LRRC69: variants seen among roughly 807,000 people sequenced by gnomAD.
The protein encoded by LRRC69 is leucine rich repeat containing 69.
In LRRC69, 42 loss-of-function variants were observed where a neutral mutation model predicts 37.8. That is an observed-to-expected ratio of 1.11 (90% CI 0.87 to 1.44). The LOEUF is 1.44. Among genes scored for constraint, LRRC69 ranks in the 40% most tolerant of loss-of-function variants. The pLI, the probability that LRRC69 is intolerant of heterozygous loss-of-function variation, is 0.00. For synonymous variants in LRRC69, 141 were observed against 143.1 expected, an observed-to-expected ratio of 0.99 and a Z score of 0.11; for missense variants, 357 against 401.9, an observed-to-expected ratio of 0.89 and a Z score of 0.96.
At chr8:91,201,273 C>T (rs1175097731) in intron 7 of LRRC69, among the ~76,000 whole-genome samples, 2 of 152,118 alleles carry the variant, frequency 1.3e-5, no homozygotes, top group Admixed American at 6.5e-5. Flanking sequence ...GTTCACATAG[C>T]CCATAAGGCG....
chr8:91,110,327 AT>A (rs1189115852), intron 1 of LRRC69, among the ~76,000 whole-genome samples: 3 of 152,048 alleles, frequency 2.0e-5, no homozygotes, highest in South Asian at 2.1e-4. Flanking sequence ...ACATTTGAGA[AT>A]TTTTTTAATA....
At chr8:91,182,960 C>T (rs1489552095) in intron 5 of LRRC69, among the ~76,000 whole-genome samples, 1 of 152,102 alleles carries the variant, frequency 6.6e-6, no homozygotes, top group Non-Finnish European at 1.5e-5. Flanking sequence ...GAGGAGGTGA[C>T]ACAAGCTGAC....
chr8:91,185,546 GGTGT>G (rs1175741445), intron 5 of LRRC69, among the ~76,000 whole-genome samples: 1 of 150,072 alleles, frequency 6.7e-6, no homozygotes, highest in Non-Finnish European at 1.5e-5. Context: ...TTTCATGCAG[GGTGT>G]GTGAGACATG....
At chr8:91,135,712 A>C in exon 5 of LRRC69, 1 of 1,459,002 alleles carries the variant, frequency 6.9e-7, no homozygotes, top group Non-Finnish European at 9.0e-7. Flanking sequence ...ACATAGCTGG[A>C]AATATTATTC....
chr8:91,120,656 C>G (rs927476489), intron 1 of LRRC69, among the ~76,000 whole-genome samples: 1 of 152,054 alleles, frequency 6.6e-6, no homozygotes, highest in Non-Finnish European at 1.5e-5. Flanking sequence ...CCAAGAAGGG[C>G]GCAGGAGAAA....
chr8:91,114,697 A>G (rs1179921388), intron 1 of LRRC69, among the ~76,000 whole-genome samples: 1 of 152,058 alleles, frequency 6.6e-6, no homozygotes, highest in African/African-American at 2.4e-5. Flanking sequence ...AGACTATACC[A>G]CATAGCATAG....
At chr8:91,171,423 C>T (rs1433795792) in intron 5 of LRRC69, among the ~76,000 whole-genome samples, 1 of 151,874 alleles carries the variant, frequency 6.6e-6, no homozygotes, top group African/African-American at 2.4e-5. Context: ...ATGATATCAC[C>T]CCCTCCTGCT....
chr8:91,150,722 T>C (rs1348842495), intron 5 of LRRC69, among the ~76,000 whole-genome samples: 1 of 152,002 alleles, frequency 6.6e-6, no homozygotes, highest in African/African-American at 2.4e-5. Flanking sequence ...TCCTGGATTT[T>C]TTTTGGTTGG....
At chr8:91,155,270 T>A (rs1347734552) in intron 5 of LRRC69, among the ~76,000 whole-genome samples, 1 of 151,126 alleles carries the variant, frequency 6.6e-6, no homozygotes, top group Non-Finnish European at 1.5e-5. Context: ...AAGTATTTAT[T>A]TGATACTTAT....
At chr8:91,124,715 A>G in intron 2 of LRRC69, 96 bp downstream of exon 2, 1 of 1,134,454 alleles carries the variant, frequency 8.8e-7, no homozygotes, top group East Asian at 2.8e-5. Flanking sequence ...TTGCATGTTT[A>G]ATCTTTTTTT....
chr8:91,161,599 T>G (rs1808946170), intron 5 of LRRC69, among the ~76,000 whole-genome samples: 1 of 151,344 alleles, frequency 6.6e-6, no homozygotes, highest in African/African-American at 2.4e-5. Context: ...TTCATAATAA[T>G]CTCTAATGAT....
At chr8:91,150,936 C>G (rs1808724629) in intron 5 of LRRC69, among the ~76,000 whole-genome samples, 1 of 151,996 alleles carries the variant, frequency 6.6e-6, no homozygotes, top group Non-Finnish European at 1.5e-5. Context: ...GTGATATCCT[C>G]TTTATCATTT....
intron 7 of LRRC69, among the ~76,000 whole-genome samples, chr8:91,209,910 T>C (rs1809876167): frequency 6.6e-6 from 1 of 152,196 alleles, no homozygotes; most frequent in Admixed American, 6.5e-5. Flanking sequence ...TTTCAACATC[T>C]TTACTGAGTT....
intron 1 of LRRC69, among the ~76,000 whole-genome samples, chr8:91,121,505 C>T (rs184846090): frequency 6.6e-6 from 1 of 152,132 alleles, no homozygotes; most frequent in African/African-American, 2.4e-5. Context: ...CAAGAATGTG[C>T]CTCCATTGGG....
At chr8:91,164,578 A>G (rs901168687) in intron 5 of LRRC69, among the ~76,000 whole-genome samples, 1 of 151,720 alleles carries the variant, frequency 6.6e-6, no homozygotes, top group Non-Finnish European at 1.5e-5. Context: ...AGGATATGTA[A>G]AGTTGCTATA....
In LRRC69 at chr8:91,111,992, C is replaced by T. The variant is rs1318064406; in HGVS notation, c.183+9148C>T. Among the ~76,000 whole-genome samples the T allele has an allele frequency of 1.3e-5, 2 of 151,810 alleles. 1 individual carries two copies. The highest frequency in any genetic ancestry group is 3.8e-4 in the East Asian group (2 of 5,198). On this transcript the variant is annotated intron_variant, in intron 1 of 7. Transcript: ENST00000448384. ...TGCAAATGCAAAAGGAGGATGCCTT[C>T]ATGGGGAAGATGGTAAATCTCAAGG... is the stretch of plus-strand genomic sequence containing the variant.
intron 5 of LRRC69, among the ~76,000 whole-genome samples, chr8:91,155,869 A>G (rs948167950): frequency 6.0e-5 from 8 of 132,248 alleles, no homozygotes; most frequent in African/African-American, 1.6e-4. Flanking sequence ...ATGTGTGTGT[A>G]TATATATATA....
At chr8:91,112,693 C>T (rs1169913260) in intron 1 of LRRC69, among the ~76,000 whole-genome samples, 1 of 152,034 alleles carries the variant, frequency 6.6e-6, no homozygotes, top group Non-Finnish European at 1.5e-5. Context: ...AGAATACTTA[C>T]TTTCTCTACT....
chr8:91,193,115 C>T (rs1427539836), intron 6 of LRRC69, among the ~76,000 whole-genome samples: 1 of 136,980 alleles, frequency 7.3e-6, no homozygotes, highest in Admixed American at 7.4e-5. Flanking sequence ...ATCCTTTCCC[C>T]ATTGCTTGTT....
Sources: allele counts gnomAD v4.1 joint callset (sites outside exome capture counted in the v4.1 genomes callset), GRCh38; gene constraint gnomAD v4.1.1; transcripts MANE v1.5; gene names NCBI Gene and HGNC (gene_info 2026-07-23, HGNC 2026-07-21).